CHRNG: variants seen among roughly 807,000 people sequenced by gnomAD.
The protein encoded by CHRNG is acetylcholine receptor subunit gamma.
In CHRNG, 72 loss-of-function variants were observed where a neutral mutation model predicts 65.2. That is an observed-to-expected ratio of 1.10 (90% CI 0.91 to 1.34). CHRNG has a LOEUF of 1.34. Among genes scored for constraint, CHRNG ranks in the 40% most tolerant of loss-of-function variants. The pLI is 0.00. For synonymous variants in CHRNG, 284 were observed against 290.2 expected (o/e 0.98, Z 0.22); for missense variants, 637 against 680.1 (o/e 0.94, Z 0.70).
rs778730695 is a variant in CHRNG at position 232,543,007 on chromosome 2, T to TA, written c.731dup (p.Tyr244Ter). ...GCTCATCCAGCGCAAGCCCCTCTTC[T>TA]ACGTCATCAACATCATCGCCCCCTG... ...YLLIQRKPLF[Y>*]VINIIAPCVL... The change falls in exon 7 of 12, where the codon TAC (tyrosine) becomes TAAC (stop). Residue 244 changes from tyrosine to a stop codon, truncating the protein, a stop_gained and frameshift_variant. Transcript: ENST00000651502. LOFTEE classifies it high-confidence loss of function. 1 of 1,614,228 alleles carries TA rather than the reference T, an allele frequency of 6.2e-7. No individual in the cohort carries two copies. The highest frequency in any genetic ancestry group is 8.5e-7 in the Non-Finnish European group (1 of 1,180,018).
At chr2:232,542,305 C>T (rs531279574) in intron 5 of CHRNG, 118 bp from the exon 6 acceptor site, 6 of 720,174 alleles carry the variant, frequency 8.3e-6, no homozygotes, top group African/African-American at 3.5e-5. Context: ...AACTCAGAAG[C>T]GTGGGGCTGC....
Position 232,539,697 on chromosome 2 carries a change from A to C in CHRNG, c.-51A>C. 1.3e-6 allele frequency: 2 copies of C among 1,584,684 alleles called. No individual in the cohort carries two copies. Among genetic ancestry groups the C allele is most frequent in the Non-Finnish European group, 1.7e-6 (2 of 1,154,900 alleles). On this transcript the variant is annotated 5_prime_UTR_variant, in exon 1 of 12. Coordinates refer to ENST00000651502, the MANE Select transcript of CHRNG (RefSeq NM_005199.5). ...CCCAGAGCCCATCTCTCTCTGCCCC[A>C]GACCTTGGAGCTGTTGTCCCACCCC...
intron 11 of CHRNG, among the ~76,000 whole-genome samples, 161 bp downstream of exon 11, chr2:232,545,063 G>A (rs538902293): frequency 3.9e-5 from 6 of 152,256 alleles, no homozygotes; most frequent in South Asian, 2.1e-4. Flanking sequence ...TTGGGAGGCC[G>A]AGGCGAGTGG....
chr2:232,544,947 C>T (rs2106223262), intron 11 of CHRNG, 45 bp downstream of exon 11: 1 of 1,612,268 alleles, frequency 6.2e-7, no homozygotes, highest in Non-Finnish European at 8.5e-7. Flanking sequence ...AGTACCTGGG[C>T]TTGGAACCGT....
rs1478984539 is a variant in CHRNG at position 232,540,351 on chromosome 2, G to C, written c.196-30G>C. The C allele has an allele frequency of 6.2e-7, 1 of 1,613,976 alleles. No individual in the cohort carries two copies. The highest frequency in any genetic ancestry group is 8.5e-7 in the Non-Finnish European group (1 of 1,179,916). ...GACTGGCACTGAAGTCGGGGGCTGA[G>C]CCCTCCATACTACACCCTTGCACCC... On this transcript the variant is annotated intron_variant, in intron 2 of 11. Coordinates refer to ENST00000651502, the MANE Select transcript of CHRNG (RefSeq NM_005199.5). The surrounding 1 kb of genome is among the most constrained non-coding windows in gnomAD (Gnocchi z 4.2).
chr2:232,541,278 G>A lies in CHRNG; in HGVS notation c.351-96G>A. The A allele has an allele frequency of 4.0e-6, 6 of 1,484,980 alleles. No homozygotes were observed. Among genetic ancestry groups the A allele is most frequent in the Non-Finnish European group, 5.6e-6 (6 of 1,068,792 alleles). 92.0% of individuals were successfully genotyped at this position (1,484,980 alleles called of 1,614,324 possible). On this transcript the variant is annotated intron_variant, in intron 4 of 11. Coordinates refer to ENST00000651502, the MANE Select transcript of CHRNG (RefSeq NM_005199.5). This position sits in a 1 kb window ranked among gnomAD's most constrained non-coding sequence, Gnocchi z 4.0. ...AGGCTGGTAGGGACTGGTGTCCCCA[G>A]GCCCCTATCCACATGGGGCACAGGG...
Position 232,547,916 on chromosome 2 carries a change from C to G in CHRNG, c.*2200C>G, listed in dbSNP as rs774020968. ...TAAGGAGGTAGGTCGAGGCATACCT[C>G]AAAGACATTGCAGGTTCAGTTCCAG... is the stretch of plus-strand genomic sequence containing the variant. On this transcript the variant is annotated 3_prime_UTR_variant, in exon 12 of 12. Coordinates refer to ENST00000651502, the MANE Select transcript of CHRNG (RefSeq NM_005199.5). 1 of 438,386 alleles carries G rather than the reference C, an allele frequency of 2.3e-6. No individual in the cohort carries two copies. Among genetic ancestry groups the G allele is most frequent in the Non-Finnish European group, 4.0e-6 (1 of 251,122 alleles). 27.2% of individuals were successfully genotyped at this position (438,386 alleles called of 1,614,324 possible). A position where few individuals can be genotyped will look rare whatever the true frequency, so the allele number is the denominator to read the frequency against.
At chr2:232,543,833 A>C in intron 9 of CHRNG, 134 bp downstream of exon 9, 1 of 701,264 alleles carries the variant, frequency 1.4e-6, no homozygotes, top group South Asian at 1.5e-5. Context: ...GCATGGACCA[A>C]AATCGATTAC....
At position 232,543,659 on chromosome 2, in the gene CHRNG, G is replaced by C. The variant is rs375987895; in HGVS notation, c.995G>C (p.Arg332Pro). The C allele has an allele frequency of 2.5e-6, 4 of 1,613,588 alleles. No homozygotes were observed. The highest frequency in any genetic ancestry group is 3.4e-6 in the Non-Finnish European group (4 of 1,179,750). Residue 332 changes from arginine (R) to proline (P), a missense_variant, in exon 9 of 12, where the codon CGG becomes CCG. Arg to Pro is a moderately radical substitution (Grantham distance 103). Transcript: ENST00000651502. ...GTGGTTGTGCTCAATGTCTCCTTGC[G>C]GTCTCCACACACACACTCCATGGCC... ...NAVVVLNVSLRSPHTHSMARG... is the reference protein window; with the variant it reads ...NAVVVLNVSLPSPHTHSMARG...
rs758543707 is a variant in CHRNG at position 232,540,648 on chromosome 2, GC to G, written c.289del (p.Leu97CysfsTer4). 1.2e-6 allele frequency: 2 copies of G among 1,613,138 alleles called. No homozygotes were observed. The highest frequency in any genetic ancestry group is 3.3e-5 in the Admixed American group (2 of 60,020). On this transcript the variant is annotated frameshift_variant, in exon 4 of 12. Coordinates refer to ENST00000651502, the MANE Select transcript of CHRNG (RefSeq NM_005199.5). LOFTEE classifies it high-confidence loss of function. The surrounding 1 kb of genome is among the most constrained non-coding windows in gnomAD (Gnocchi z 4.2). ...RLRWDPRDYEGLWVLRVPSTM... is the reference protein window; with the variant it reads ...RLRWDPRDYEXLWVLRVPSTM... ...CGCTGGGATCCGCGAGACTACGAAGGCCTGTGGGTGCTGAGGGTGCCGTCCA... is the reference window on the plus strand; with the variant it reads ...CGCTGGGATCCGCGAGACTACGAAGGCTGTGGGTGCTGAGGGTGCCGTCCA...
chr2:232,545,139 A>G (rs1692100613), intron 11 of CHRNG, among the ~76,000 whole-genome samples: 1 of 151,776 alleles, frequency 6.6e-6, no homozygotes, highest in Admixed American at 6.6e-5. Context: ...TCTACCAAAA[A>G]TACCAAAAAT....
chr2:232,544,209 C>G (rs1692077141), intron 9 of CHRNG, among the ~76,000 whole-genome samples, 158 bp from the exon 10 acceptor site: 1 of 152,214 alleles, frequency 6.6e-6, no homozygotes, highest in Non-Finnish European at 1.5e-5. Flanking sequence ...AGTTTGGGGA[C>G]CCAGGCTCGT....
In CHRNG at chr2:232,540,642, A is replaced by C; in HGVS notation, c.281A>C (p.Tyr94Ser). 1 of 1,613,136 alleles carries C rather than the reference A, an allele frequency of 6.2e-7. No individual in the cohort carries two copies. Among genetic ancestry groups the C allele is most frequent in the Non-Finnish European group, 8.5e-7 (1 of 1,179,968 alleles). ...CGCCTGCGCTGGGATCCGCGAGACT[A>C]CGAAGGCCTGTGGGTGCTGAGGGTG... ...DYRLRWDPRD[Y>S]EGLWVLRVPS... The change falls in exon 4 of 12, where the codon TAC (tyrosine) becomes TCC (serine). Residue 94 changes from tyrosine to serine, a missense_variant. By Grantham distance (144) the Tyr-to-Ser change is moderately radical (BLOSUM62 -2). Transcript: ENST00000651502. This position sits in a 1 kb window ranked among gnomAD's most constrained non-coding sequence, Gnocchi z 4.2.
Position 232,546,078 on chromosome 2 carries a change from T to A in CHRNG, c.*362T>A, listed in dbSNP as rs919946691. On this transcript the variant is annotated 3_prime_UTR_variant, in exon 12 of 12. Transcript: ENST00000651502. ...TGTATAATACCTTCGGACTTGGGAC[T>A]GGCTCCCCTTTTACAAGTTCTCCCT... 9 of 364,298 alleles carry A rather than the reference T, an allele frequency of 2.5e-5. No homozygotes were observed. In the Admixed American group the frequency reaches 3.1e-4, roughly 12 times the overall value. 22.6% of individuals were successfully genotyped at this position (364,298 alleles called of 1,614,324 possible).
At chr2:232,543,481 C>CCG (rs1553578011) in intron 8 of CHRNG, 92 bp downstream of exon 8, 2 of 984,920 alleles carry the variant, frequency 2.0e-6, no homozygotes, top group East Asian at 6.9e-5. Flanking sequence ...CCTCCATCCA[C>CCG]CCCCCCCATC....
At position 232,546,229 on chromosome 2, in the gene CHRNG, A is replaced by T. The variant is rs1024766867; in HGVS notation, c.*513A>T. 4.7e-5 allele frequency: 8 copies of T among 169,902 alleles called. No homozygotes were observed. The highest frequency in any genetic ancestry group is 1.7e-4 in the African/African-American group (7 of 41,674). The allele number at this position is 169,902 out of a possible 1,614,324, so 10.5% of individuals were successfully genotyped here. On this transcript the variant is annotated 3_prime_UTR_variant, in exon 12 of 12. Transcript: ENST00000651502. ...TGGGTACAATAAGCACCCAATTCTC[A>T]ACAGCCCCAGTGGCCTTTCCATTCA...
chr2:232,541,632 C>A lies in CHRNG; in HGVS notation c.506+103C>A. 1 of 1,396,262 alleles carries A rather than the reference C, an allele frequency of 7.2e-7. No individual in the cohort carries two copies. The highest frequency in any genetic ancestry group is 1.0e-6 in the Non-Finnish European group (1 of 996,184). The allele number at this position is 1,396,262 out of a possible 1,614,324, so 86.5% of individuals were successfully genotyped here. On this transcript the variant is annotated intron_variant, in intron 5 of 11. Coordinates refer to ENST00000651502, the MANE Select transcript of CHRNG (RefSeq NM_005199.5). The surrounding 1 kb of genome is among the most constrained non-coding windows in gnomAD (Gnocchi z 4.0). ...AGGCTTCTGGCCTTGGCTCTGGCAG[C>A]ACCTAGAGGCCTGGCTCCATCTCCC...
Position 232,540,442 on chromosome 2 carries a change from C to T in CHRNG, c.240+17C>T, listed in dbSNP as rs760551747. On this transcript the variant is annotated intron_variant, in intron 3 of 11. Coordinates refer to ENST00000651502, the MANE Select transcript of CHRNG (RefSeq NM_005199.5). This position sits in a 1 kb window ranked among gnomAD's most constrained non-coding sequence, Gnocchi z 4.2. ...ATAGAGATGGTAAGAGGCCACCCTG[C>T]CACCCTCCTTCCATCAGGGGTCCCA... 6.2e-7 allele frequency: 1 copy of T among 1,613,396 alleles called. No homozygotes were observed. Among genetic ancestry groups the T allele is most frequent in the Non-Finnish European group, 8.5e-7 (1 of 1,179,894 alleles).
rs147136675 is a variant in CHRNG at position 232,540,687 on chromosome 2, G to A, written c.326G>A (p.Arg109Gln). ...VLRVPSTMVW[R>Q]PDIVLENNVD... The stretch of plus-strand genomic sequence containing the variant: ...AGGGTGCCGTCCACCATGGTGTGGC[G>A]GCCGGATATCGTGCTGGAGAACAAG... Residue 109 changes from arginine to glutamine, a missense_variant, in exon 4 of 12, where the codon CGG (arginine) becomes CAG (glutamine). By Grantham distance (43) the Arg-to-Gln change is conservative. Transcript: ENST00000651502. This position sits in a 1 kb window ranked among gnomAD's most constrained non-coding sequence, Gnocchi z 4.2. The A allele has an allele frequency of 2.6e-5, 42 of 1,612,430 alleles. No homozygotes were observed. Among genetic ancestry groups the A allele is most frequent in the South Asian group, 9.9e-5 (9 of 91,010 alleles).
Sources: gnomAD v4.1 joint callset for allele counts (sites outside exome capture counted in the v4.1 genomes callset) on GRCh38, gnomAD v4.1.1 for gene constraint, Gnocchi (gnomAD v3.1) non-coding constraint, MANE v1.5 for transcripts, NCBI Gene and HGNC (gene_info 2026-07-23, HGNC 2026-07-21) for gene names.